Variants in IPO9 observed in about 807,000 individuals in gnomAD.
IPO9 encodes importin 9.
Under a neutral mutation model 128.6 loss-of-function variants are expected in IPO9, and 28 were observed. That is an observed-to-expected ratio of 0.22 (90% CI 0.16 to 0.30). The LOEUF (loss-of-function observed/expected upper bound fraction) is 0.30, where lower values mean the gene tolerates loss of function less well. Ranked by LOEUF, IPO9 falls within the 10% of genes least tolerant of loss-of-function variation. The pLI, the probability that IPO9 is intolerant of heterozygous loss-of-function variation, is 1.00. For missense variants in IPO9, 935 were observed against 1,293.9 expected, an observed-to-expected ratio of 0.72 and a Z score of 4.26; for synonymous variants, 455 against 475.8, an observed-to-expected ratio of 0.96 and a Z score of 0.57.
chr1:201,847,528 C>T, intron 2 of IPO9, 24 bp from the exon 3 acceptor site: 2 of 1,594,436 alleles, frequency 1.3e-6, no homozygotes, highest in Middle Eastern at 1.7e-4. Context: ...TCTTGCTGTA[C>T]TACTTGGCTT....
intron 14 of IPO9, among the ~76,000 whole-genome samples, chr1:201,864,740 C>A (rs1680518339): frequency 6.6e-6 from 1 of 152,198 alleles, no homozygotes; most frequent in South Asian, 2.1e-4. Context: ...AACATTGATT[C>A]TCTCTGGGGG....
In IPO9 at chr1:201,874,824, C is replaced by G. The variant is rs2102891561; in HGVS notation, c.2834-8C>G. On this transcript the variant is annotated splice_polypyrimidine_tract_variant and splice_region_variant and intron_variant, in intron 21 of 23. Transcript: ENST00000361565. The stretch of plus-strand genomic sequence containing the variant: ...CTCTAGCTCTAGCTGCTTTTCATCT[C>G]CAAGTAGATGACTCCAATGATATGT... The G allele has an allele frequency of 6.3e-7, 1 of 1,581,648 alleles. No individual in the cohort carries two copies. The highest frequency in any genetic ancestry group is 2.2e-5 in the East Asian group (1 of 44,756).
chr1:201,871,797 A>G (rs1232002192), intron 19 of IPO9, among the ~76,000 whole-genome samples: 1 of 152,160 alleles, frequency 6.6e-6, no homozygotes, highest in Non-Finnish European at 1.5e-5. Flanking sequence ...TAACGCACAT[A>G]TGTGAATAGC....
chr1:201,869,675 T>C lies in IPO9; in HGVS notation c.2090T>C (p.Val697Ala), dbSNP rs1311410026. ...CTCATCTGCCAAGCTTTCCCTGCTG[T>C]GGCACAGTGTACCCTTCACACAGAT... ...QLLICQAFPA[V>A]AQCTLHTDDN... is the part of the protein sequence containing the mutation. Residue 697 changes from valine (V) to alanine (A), a missense_variant, in exon 17 of 24, where the codon GTG becomes GCG. Transcript: ENST00000361565. The C allele has an allele frequency of 6.2e-7, 1 of 1,614,186 alleles. No homozygotes were observed.
Position 201,866,858 on chromosome 1 carries a change from A to G in IPO9, c.1754A>G (p.Glu585Gly). ...FSSEVLNLVM[E>G]TLCIVCTVDP... is the part of the protein sequence containing the mutation. ...TCAGAGGTCCTCAACCTGGTGATGG[A>G]GACCCTGTGCATCGTTTGTACAGTA... Residue 585 changes from glutamate to glycine, a missense_variant, in exon 15 of 24, where the codon GAG (glutamate) becomes GGG (glycine). By Grantham distance (98) the Glu-to-Gly change is moderately conservative. Around this residue, in one of 3 missense-constraint regions of IPO9, gnomAD observed 741 missense variants for 1,019.1 expected, o/e 0.73. Coordinates refer to ENST00000361565, the MANE Select transcript of IPO9 (RefSeq NM_018085.5). 1.2e-6 allele frequency: 2 copies of G among 1,614,156 alleles called. No homozygotes were observed. Among genetic ancestry groups the G allele is most frequent in the South Asian group, 1.1e-5 (1 of 91,084 alleles).
intron 23 of IPO9, 77 bp downstream of exon 23, chr1:201,875,305 T>A: frequency 7.7e-7 from 1 of 1,292,072 alleles, no homozygotes; most frequent in Non-Finnish European, 1.1e-6. Flanking sequence ...CAAATCCATT[T>A]ATAGCCAGGC....
intron 1 of IPO9, 98 bp downstream of exon 1, chr1:201,829,470 G>T: frequency 8.0e-7 from 1 of 1,257,142 alleles, no homozygotes; most frequent in Non-Finnish European, 1.0e-6. Flanking sequence ...GAGCCAGTTG[G>T]AGATGTGGGC....
intron 13 of IPO9, among the ~76,000 whole-genome samples, chr1:201,859,628 G>A (rs1006913488): frequency 5.9e-5 from 9 of 151,984 alleles, no homozygotes; most frequent in East Asian, 1.9e-4. Context: ...TAATTAAAAT[G>A]TTCCATTCTC....
intron 19 of IPO9, among the ~76,000 whole-genome samples, chr1:201,871,631 G>A (rs1209396197): frequency 6.6e-6 from 1 of 151,976 alleles, no homozygotes; most frequent in Admixed American, 6.6e-5. Context: ...GACCTCAAGT[G>A]ATCCACCCAC....
intron 1 of IPO9, among the ~76,000 whole-genome samples, chr1:201,833,325 G>T (rs548505069): frequency 1.3e-5 from 2 of 150,900 alleles, no homozygotes; most frequent in East Asian, 3.9e-4. Flanking sequence ...TGCAACATCC[G>T]CCTCCTAGAT....
intron 2 of IPO9, 100 bp from the exon 3 acceptor site, chr1:201,847,452 A>G: frequency 7.4e-7 from 1 of 1,353,754 alleles, no homozygotes; most frequent in Non-Finnish European, 1.0e-6. Flanking sequence ...ATGTTGTGCC[A>G]GATTTAGATA....
intron 1 of IPO9, among the ~76,000 whole-genome samples, chr1:201,840,698 G>C (rs1000340985): frequency 6.6e-6 from 1 of 152,194 alleles, no homozygotes; most frequent in African/African-American, 2.4e-5. Context: ...TTATGCAGCT[G>C]TAGAGAAGAA....
chr1:201,829,390 G>A lies in IPO9; in HGVS notation c.163+18G>A. The A allele has an allele frequency of 6.5e-7, 1 of 1,545,624 alleles. No individual in the cohort carries two copies. ...GACGGAGGGTGAGTGAGGCGGGACC[G>A]TCACGAGGATGGCTCAGCCGCACAA... On this transcript the variant is annotated intron_variant, in intron 1 of 23. Coordinates refer to ENST00000361565, the MANE Select transcript of IPO9 (RefSeq NM_018085.5).
chr1:201,831,290 G>A (rs1460960667), intron 1 of IPO9, among the ~76,000 whole-genome samples: 3 of 152,146 alleles, frequency 2.0e-5, no homozygotes. Flanking sequence ...GTGCTGTTGG[G>A]CAGACTATGA....
In IPO9 at chr1:201,876,893, G is replaced by A. The variant is rs1680775908; in HGVS notation, c.*839G>A. 1 of 152,532 alleles carries A rather than the reference G, an allele frequency of 6.6e-6. No homozygotes were observed. Among genetic ancestry groups the A allele is most frequent in the Admixed American group, 6.6e-5 (1 of 15,264 alleles). 9.4% of individuals were successfully genotyped at this position (152,532 alleles called of 1,614,324 possible). Reference sequence around the variant, plus strand: ...CTTTCCCTCAGGAAGCCTCTAAAGTGCTTAAGTTGTAGCCCTCAAATTTGC... The same window carrying A: ...CTTTCCCTCAGGAAGCCTCTAAAGTACTTAAGTTGTAGCCCTCAAATTTGC... On this transcript the variant is annotated 3_prime_UTR_variant, in exon 24 of 24. Transcript: ENST00000361565.
At chr1:201,849,089 A>G (rs1342084640) in intron 4 of IPO9, among the ~76,000 whole-genome samples, 1 of 152,244 alleles carries the variant, frequency 6.6e-6, no homozygotes, top group Non-Finnish European at 1.5e-5. Flanking sequence ...TAAGAATTGT[A>G]AAATGGATTT....
intron 1 of IPO9, among the ~76,000 whole-genome samples, chr1:201,836,278 C>T (rs549251310): frequency 3.9e-5 from 6 of 152,058 alleles, no homozygotes; most frequent in East Asian, 1.9e-4. Context: ...GGTTTTACTA[C>T]GTAACAGAAA....
chr1:201,869,530 T>C (rs761915598), intron 16 of IPO9, 60 bp from the exon 17 acceptor site: 8 of 1,594,716 alleles, frequency 5.0e-6, no homozygotes, highest in Non-Finnish European at 6.8e-6. Context: ...AGGATCTTGG[T>C]TGTTGGGCAA....
intron 11 of IPO9, 149 bp downstream of exon 11, chr1:201,857,343 G>A: frequency 1.6e-6 from 1 of 608,754 alleles, no homozygotes; most frequent in Non-Finnish European, 2.9e-6. Flanking sequence ...TTTCTGAAAT[G>A]AAATTCGAGA....
Sources: allele counts gnomAD v4.1 joint callset (sites outside exome capture counted in the v4.1 genomes callset), GRCh38; gene constraint gnomAD v4.1.1; regional missense constraint gnomAD v4.1.1; transcripts MANE v1.5; gene names NCBI Gene and HGNC (gene_info 2026-07-23, HGNC 2026-07-21).